Variants in CPT1C observed in about 807,000 individuals in gnomAD.
CPT1C encodes palmitoyl thioesterase CPT1C.
CPT1C carries 61 observed loss-of-function variants against 97.3 expected under a neutral mutation model. That is an observed-to-expected ratio of 0.63 (90% CI 0.51 to 0.78). CPT1C has a LOEUF of 0.78. Ranked by LOEUF, CPT1C falls within the 30% of genes least tolerant of loss-of-function variation. The pLI is 0.00. For synonymous variants in CPT1C, 469 were observed against 447.2 expected, an observed-to-expected ratio of 1.05 and a Z score of -0.61; for missense variants, 975 against 1,065.5, an observed-to-expected ratio of 0.92 and a Z score of 1.18.
At chr19:49,700,574 T>C in intron 4 of CPT1C, 110 bp from the exon 5 acceptor site, 1 of 1,228,008 alleles carries the variant, frequency 8.1e-7, no homozygotes, top group Non-Finnish European at 1.1e-6. Flanking sequence ...CAAAAATGGG[T>C]TTCTCTGTCT....
In CPT1C at chr19:49,692,274, G is replaced by A. The variant is rs1386870543; in HGVS notation, c.22G>A (p.Val8Met). MAEAHQA[V>M]GFRPSLTSDG... is the part of the protein sequence containing the mutation. ...TGACATGGCTGAAGCGCACCAGGCC[G>A]TGGGCTTCCGACCCTCGCTGACCTC... The change falls in exon 3 of 20, where the codon GTG (valine) becomes ATG (methionine). Residue 8 changes from valine (V) to methionine (M), a missense_variant. By Grantham distance (21) the Val-to-Met change is conservative. Around this residue, in one of 3 missense-constraint regions of CPT1C, gnomAD observed 596 missense variants for 603.1 expected, o/e 0.99. Coordinates refer to ENST00000598293, the MANE Select transcript of CPT1C (RefSeq NM_001199753.2). The A allele has an allele frequency of 1.9e-6, 3 of 1,613,994 alleles. No homozygotes were observed. Among genetic ancestry groups the A allele is most frequent in the South Asian group, 1.1e-5 (1 of 91,082 alleles).
chr19:49,712,948 T>A, intron 18 of CPT1C, 24 bp from the exon 19 acceptor site: 1 of 1,607,982 alleles, frequency 6.2e-7, no homozygotes, highest in Non-Finnish European at 8.5e-7. Context: ...GCTATTTTCT[T>A]CCCTTCACTC....
At chr19:49,699,818 G>A (rs897143161) in intron 4 of CPT1C, among the ~76,000 whole-genome samples, 1 of 152,312 alleles carries the variant, frequency 6.6e-6, no homozygotes, top group South Asian at 2.1e-4. Flanking sequence ...GCTGGGCGTG[G>A]TGGCGGGCGC....
In CPT1C at chr19:49,713,042, G is replaced by A; in HGVS notation, c.2204G>A (p.Ser735Asn). The change falls in exon 19 of 20, where the codon AGC becomes AAC. Residue 735 changes from serine (S) to asparagine (N), a missense_variant. Physicochemically the swap from Ser to Asn is conservative, Grantham distance 46. Coordinates refer to ENST00000598293, the MANE Select transcript of CPT1C (RefSeq NM_001199753.2). ...GGCATGATCACCTTCCACATCTCCAGCAAAAAATCAAGCACAAAAACGGTG... is the reference window on the plus strand; with the variant it reads ...GGCATGATCACCTTCCACATCTCCAACAAAAAATCAAGCACAAAAACGGTG... ...GDGMITFHIS[S>N]KKSSTKTDSH... is the part of the protein sequence containing the mutation. The A allele has an allele frequency of 6.2e-7, 1 of 1,614,032 alleles. No homozygotes were observed. Among genetic ancestry groups the A allele is most frequent in the Non-Finnish European group, 8.5e-7 (1 of 1,179,928 alleles).
rs544455391 is a variant in CPT1C, at chr19:49,711,210, C to T, written c.1866+353C>T. 1,136 of 166,296 alleles carry T rather than the reference C, an allele frequency of 6.8e-3. 20 individuals are homozygous for T. Among genetic ancestry groups the T allele is most frequent in the African/African-American group, 0.026 (1,092 of 41,854 alleles). The allele number at this position is 166,296 out of a possible 1,614,324, so 10.3% of individuals were successfully genotyped here. ...TCAGGTTCAAGCGATTCTCATGCCT[C>T]AGCCTCCTGAGTAGCTGGAATTATA... On this transcript the variant is annotated intron_variant, in intron 16 of 19. Transcript: ENST00000598293.
intron 7 of CPT1C, among the ~76,000 whole-genome samples, chr19:49,702,101 T>TTATTTATTTATAAAGTATAA (rs1568521758): frequency 1.2e-5 from 1 of 86,426 alleles, no homozygotes; most frequent in East Asian, 2.9e-4. Context: ...ATTTATAAAT[T>TTATTTATTTATAAAGTATAA]ATAAATATAT....
chr19:49,700,908 TCCCCTCTCTCTGGGTCTCTGTC>T (rs1485797798), intron 5 of CPT1C, 53 bp downstream of exon 5: 214 of 1,569,998 alleles, frequency 1.4e-4, no homozygotes, highest in African/African-American at 8.9e-4. Flanking sequence ...GCTTATCTAT[TCCCCTCTCTCTGGGTCTCTGTC>T]CCCCTCTCTC....
intron 3 of CPT1C, among the ~76,000 whole-genome samples, chr19:49,694,911 C>A (rs2082574754): frequency 6.6e-6 from 1 of 152,124 alleles, no homozygotes; most frequent in South Asian, 2.1e-4. Context: ...GAGGCCGAGG[C>A]GGGCAGATCA....
intron 17 of CPT1C, chr19:49,712,535 A>T (rs1349071261): frequency 8.6e-6 from 5 of 580,128 alleles, no homozygotes; most frequent in Non-Finnish European, 1.5e-5. Flanking sequence ...GAGGGAGAAG[A>T]GGAGAGGGAC....
chr19:49,712,641 G>A, intron 17 of CPT1C, 95 bp from the exon 18 acceptor site: 1 of 915,222 alleles, frequency 1.1e-6, no homozygotes, highest in Non-Finnish European at 1.8e-6. Flanking sequence ...GGATTTACGG[G>A]TAAAAAAAAA....
At chr19:49,707,001 A>C (rs2083537066) in intron 12 of CPT1C, among the ~76,000 whole-genome samples, 1 of 152,126 alleles carries the variant, frequency 6.6e-6, no homozygotes, top group South Asian at 2.1e-4. Context: ...CAGACTGGGC[A>C]TGGTGGCTCA....
chr19:49,706,080 T>G lies in CPT1C; in HGVS notation c.1136T>G (p.Leu379Arg). ...CCGGCCTGCCCCCACGAGGAACATC[T>G]GGCAGCTCTGACAGCTGCTCCCAGG... is the stretch of plus-strand genomic sequence containing the variant. ...PSPACPHEEH[L>R]AALTAAPRGT... The change falls in exon 11 of 20, where the codon CTG (leucine) becomes CGG (arginine). Residue 379 changes from leucine to arginine, a missense_variant. Leu to Arg is a moderately radical substitution (Grantham distance 102). This residue lies in a region of CPT1C where 596 missense variants were observed against 603.1 expected (regional missense o/e 0.99). Transcript: ENST00000598293. The surrounding 1 kb of genome is among the most constrained non-coding windows in gnomAD (Gnocchi z 4.8). The G allele has an allele frequency of 6.2e-7, 1 of 1,613,616 alleles. No homozygotes were observed. Among genetic ancestry groups the G allele is most frequent in the Non-Finnish European group, 8.5e-7 (1 of 1,179,746 alleles).
At chr19:49,712,614 T>C in intron 17 of CPT1C, 122 bp from the exon 18 acceptor site, 2 of 708,584 alleles carry the variant, frequency 2.8e-6, no homozygotes, top group Non-Finnish European at 5.0e-6. Flanking sequence ...AGGGCGTGGT[T>C]AGGGAGAAGG....
At chr19:49,713,138 C>T in intron 19 of CPT1C, 74 bp downstream of exon 19, 2 of 1,321,738 alleles carry the variant, frequency 1.5e-6, no homozygotes, top group Non-Finnish European at 1.1e-6. Context: ...AGCCCCTCCT[C>T]CCTCAGACCC....
chr19:49,694,647 G>T (rs1234152250), intron 3 of CPT1C, among the ~76,000 whole-genome samples: 3 of 147,566 alleles, frequency 2.0e-5, no homozygotes, highest in Non-Finnish European at 4.5e-5. Context: ...AAAAAAAAAA[G>T]GGGGTGGGAG....
intron 2 of CPT1C, 27 bp from the exon 3 acceptor site, chr19:49,692,212 C>T (rs755548021): frequency 1.2e-6 from 2 of 1,608,612 alleles, no homozygotes; most frequent in South Asian, 1.1e-5. Flanking sequence ...GGGCTGGGGT[C>T]CTGAAGTATG....
Position 49,710,354 on chromosome 19 carries a change from C to A in CPT1C, c.1601C>A (p.Ala534Asp), listed in dbSNP as rs1024513887. The A allele has an allele frequency of 6.8e-6, 11 of 1,614,078 alleles. No individual in the cohort carries two copies. Among genetic ancestry groups the A allele is most frequent in the Non-Finnish European group, 9.3e-6 (11 of 1,180,046 alleles). The change falls in exon 15 of 20, where the codon GCC (alanine) becomes GAC (aspartate). Residue 534 changes from alanine (A) to aspartate (D), a missense_variant. Physicochemically the swap from Ala to Asp is moderately radical, Grantham distance 126. This residue lies in a region of CPT1C where 344 missense variants were observed against 395.7 expected (regional missense o/e 0.87). Coordinates refer to ENST00000598293, the MANE Select transcript of CPT1C (RefSeq NM_001199753.2). ...TCCATCTCTCTAGCCCTGAGGGGAG[C>A]CAAGATCTTGTCTGAAAATGTCGAC... Reference protein sequence around the residue: ...HSSISLALRGAKILSENVDCH... With the variant: ...HSSISLALRGDKILSENVDCH...
Position 49,707,586 on chromosome 19 carries a change from C to T in CPT1C, c.1412C>T (p.Ser471Phe). The T allele has an allele frequency of 6.2e-7, 1 of 1,613,622 alleles. No individual in the cohort carries two copies. ...NGKLGLSVEH[S>F]WADCPISGHM... ...AAGCTGGGCCTCAGCGTGGAGCACT[C>T]CTGGGCCGACTGCCCCATCTCAGGA... The change falls in exon 13 of 20, where the codon TCC (serine) becomes TTC (phenylalanine). Residue 471 changes from serine to phenylalanine, a missense_variant. Ser to Phe is a radical substitution (Grantham distance 155). Around this residue, in one of 3 missense-constraint regions of CPT1C, gnomAD observed 35 missense variants for 66.6 expected, o/e 0.53. Coordinates refer to ENST00000598293, the MANE Select transcript of CPT1C (RefSeq NM_001199753.2).
intron 14 of CPT1C, 105 bp from the exon 15 acceptor site, chr19:49,710,215 C>T (rs536630788): frequency 3.9e-5 from 43 of 1,112,682 alleles, no homozygotes; most frequent in South Asian, 1.8e-4. Flanking sequence ...CATATTCTGC[C>T]GCAACCTTAA....
Sources: gnomAD v4.1 joint callset for allele counts (sites outside exome capture counted in the v4.1 genomes callset) on GRCh38, gnomAD v4.1.1 for gene constraint, gnomAD v4.1.1 regional missense constraint, Gnocchi (gnomAD v3.1) non-coding constraint, MANE v1.5 for transcripts, NCBI Gene and HGNC (gene_info 2026-07-23, HGNC 2026-07-21) for gene names.